The following MTA3 variants were observed in gnomAD, a reference collection of about 807,000 sequenced individuals.
MTA3 encodes metastasis associated 1 family member 3.
A neutral mutation model predicts 83.5 loss-of-function variants in MTA3; 34 were observed. That is an observed-to-expected ratio of 0.41 (90% confidence interval 0.31 to 0.54). The LOEUF (loss-of-function observed/expected upper bound fraction) is 0.54, where lower values mean the gene tolerates loss of function less well. Among genes scored for constraint, MTA3 ranks in the 20% least tolerant of loss-of-function variants. MTA3 has a pLI of 0.33. For missense variants in MTA3, 761 were observed against 726.4 expected, an observed-to-expected ratio of 1.05 and a Z score of -0.55; for synonymous variants, 303 against 252.7, an observed-to-expected ratio of 1.20 and a Z score of -1.89.
intron 2 of MTA3, among the ~76,000 whole-genome samples, chr2:42,557,486 A>G (rs995318296): frequency 1.3e-5 from 2 of 152,086 alleles, no homozygotes; most frequent in African/African-American, 4.8e-5. Context: ...AGCCTCGAAA[A>G]GGTCAAACTG....
At position 42,606,642 on chromosome 2, in the gene MTA3, G is replaced by A. The variant is rs1228064618; in HGVS notation, c.191-2816G>A. Among the ~76,000 whole-genome samples, 617 of 149,764 alleles carry A rather than the reference G, an allele frequency of 4.1e-3. 3 individuals carry two copies. Among genetic ancestry groups the A allele is most frequent in the African/African-American group, 0.015 (592 of 40,634 alleles). Reference sequence around the variant, plus strand: ...CTCCTCACATCCCAGACGATGGGCGGCCAGGCAGAGACACTCCTCACTTCC... The same window carrying A: ...CTCCTCACATCCCAGACGATGGGCGACCAGGCAGAGACACTCCTCACTTCC... On this transcript the variant is annotated intron_variant, in intron 3 of 16. Coordinates refer to ENST00000405094, the MANE Select transcript of MTA3 (RefSeq NM_001330442.2).
At chr2:42,696,607 T>C (rs1693411082) in intron 10 of MTA3, among the ~76,000 whole-genome samples, 1 of 152,176 alleles carries the variant, frequency 6.6e-6, no homozygotes, top group Admixed American at 6.5e-5. Flanking sequence ...TGAATCACTT[T>C]TTAAAGTATC....
intron 11 of MTA3, 80 bp downstream of exon 11, chr2:42,697,914 A>G: frequency 9.2e-7 from 1 of 1,084,902 alleles, no homozygotes; most frequent in Non-Finnish European, 1.3e-6. Context: ...GTTCAGTTTC[A>G]GCAAAATTTG....
chr2:42,519,147 C>T (rs1341629053), intron 2 of MTA3, among the ~76,000 whole-genome samples: 2 of 152,108 alleles, frequency 1.3e-5, no homozygotes, highest in African/African-American at 4.8e-5. Context: ...ATCACATGTA[C>T]CCCTTGATAT....
At chr2:42,600,201 A>AAAAC (rs1558480709) in intron 3 of MTA3, among the ~76,000 whole-genome samples, 20 of 152,012 alleles carry the variant, frequency 1.3e-4, no homozygotes, top group South Asian at 2.1e-4. Context: ...CTGTCTCAAA[A>AAAAC]AAAACAAAAC....
intron 2 of MTA3, among the ~76,000 whole-genome samples, chr2:42,499,739 G>A (rs1190504230): frequency 5.4e-5 from 8 of 149,468 alleles, no homozygotes; most frequent in African/African-American, 2.0e-4. Context: ...GGTGAGCTGA[G>A]ATCAAGGCAA....
chr2:42,629,976 T>G (rs1162108290), intron 4 of MTA3, among the ~76,000 whole-genome samples: 2 of 152,048 alleles, frequency 1.3e-5, no homozygotes, highest in African/African-American at 2.4e-5. Flanking sequence ...GACATGGGGT[T>G]TCACCATGTT....
chr2:42,747,708 GTTA>G (rs1669546362), intron 16 of MTA3, among the ~76,000 whole-genome samples: 1 of 151,940 alleles, frequency 6.6e-6, no homozygotes, highest in South Asian at 2.1e-4. Flanking sequence ...AATATAACCA[GTTA>G]TTATGTAACT....
chr2:42,597,062 G>T (rs1407454625), intron 3 of MTA3, among the ~76,000 whole-genome samples: 1 of 151,522 alleles, frequency 6.6e-6, no homozygotes, highest in Admixed American at 6.6e-5. Flanking sequence ...AAACTGCATT[G>T]CCCGGTGAAT....
intron 9 of MTA3, among the ~76,000 whole-genome samples, chr2:42,690,453 T>C (rs918812140): frequency 6.6e-6 from 1 of 152,148 alleles, no homozygotes; most frequent in African/African-American, 2.4e-5. Context: ...TTTTGGTTTT[T>C]AGCATTTTTA....
intron 16 of MTA3, among the ~76,000 whole-genome samples, chr2:42,730,026 T>C (rs1418298874): frequency 2.0e-5 from 3 of 152,190 alleles, no homozygotes; most frequent in East Asian, 1.9e-4. Flanking sequence ...TCAGATTGTT[T>C]AGTGTTGTCA....
intron 8 of MTA3, among the ~76,000 whole-genome samples, chr2:42,680,886 G>T (rs1315451236): frequency 1.3e-5 from 2 of 149,054 alleles, no homozygotes; most frequent in Non-Finnish European, 3.0e-5. Context: ...CTGAGTAGCT[G>T]GGATTACAGG....
intron 7 of MTA3, 111 bp from the exon 8 acceptor site, chr2:42,659,652 C>T: frequency 1.3e-5 from 9 of 684,160 alleles, no homozygotes; most frequent in Middle Eastern, 3.6e-4. Flanking sequence ...TTGTTTTTGC[C>T]TCTTCTTTTA....
At chr2:42,736,354 G>A (rs1423519599) in intron 16 of MTA3, among the ~76,000 whole-genome samples, 4 of 152,150 alleles carry the variant, frequency 2.6e-5, no homozygotes, top group African/African-American at 7.2e-5. Flanking sequence ...CCCCTGTGGC[G>A]ACTACCACTG....
intron 6 of MTA3, among the ~76,000 whole-genome samples, chr2:42,652,841 T>C (rs1489496884): frequency 6.6e-6 from 1 of 152,194 alleles, no homozygotes; most frequent in African/African-American, 2.4e-5. Flanking sequence ...CAGGACAATA[T>C]TGAGCAAAAA....
chr2:42,593,645 T>C (rs1209177629), intron 3 of MTA3, among the ~76,000 whole-genome samples: 4 of 152,174 alleles, frequency 2.6e-5, no homozygotes, highest in Admixed American at 2.6e-4. Context: ...TGTGTGACTA[T>C]ATATGTCATT....
chr2:42,745,896 C>G (rs1669378289), intron 16 of MTA3, among the ~76,000 whole-genome samples: 1 of 144,148 alleles, frequency 6.9e-6, no homozygotes, highest in Non-Finnish European at 1.5e-5. Context: ...TCGCTGCAAC[C>G]TCTGACTCCC....
At chr2:42,648,997 A>G (rs968905594) in intron 6 of MTA3, among the ~76,000 whole-genome samples, 1 of 152,146 alleles carries the variant, frequency 6.6e-6, no homozygotes, top group African/African-American at 2.4e-5. Flanking sequence ...TATGTAATAC[A>G]TTATATCGTT....
chr2:42,634,588 T>C (rs1687007005), intron 4 of MTA3, among the ~76,000 whole-genome samples: 1 of 152,202 alleles, frequency 6.6e-6, no homozygotes, highest in Non-Finnish European at 1.5e-5. Flanking sequence ...GTGAGGATTA[T>C]GGGGATCACA....
Sources: gnomAD v4.1 joint callset for allele counts (sites outside exome capture counted in the v4.1 genomes callset) on GRCh38, gnomAD v4.1.1 for gene constraint, MANE v1.5 for transcripts, NCBI Gene and HGNC (gene_info 2026-07-23, HGNC 2026-07-21) for gene names.